Variants in MPP7 observed in about 807,000 individuals in gnomAD.
MPP7 encodes the protein MAGUK p55 scaffold protein 7, also known as MAGUK p55 subfamily member 7.
Under a neutral mutation model 76.5 loss-of-function variants are expected in MPP7, and 60 were observed. The ratio of observed to expected loss-of-function variants is 0.78; its 90% CI spans 0.64 to 0.97. The LOEUF (loss-of-function observed/expected upper bound fraction) is 0.97, where lower values mean the gene tolerates loss of function less well. Among genes scored for constraint, MPP7 ranks in the 50% least tolerant of loss-of-function variants. The probability of loss-of-function intolerance (pLI) is 0.00; values close to 1 mark genes in which losing one functional copy is unlikely to be tolerated. For missense variants in MPP7, 641 were observed against 694.0 expected, an observed-to-expected ratio of 0.92 and a Z score of 0.86; for synonymous variants, 237 against 244.5, an observed-to-expected ratio of 0.97 and a Z score of 0.29.
At chr10:28,133,461 T>C (rs1325856509) in intron 5 of MPP7, among the ~76,000 whole-genome samples, 1 of 152,188 alleles carries the variant, frequency 6.6e-6, no homozygotes, top group African/African-American at 2.4e-5. Context: ...CTCAATCCCA[T>C]AGCACCTTGT....
chr10:28,144,132 G>C (rs1159070144), intron 5 of MPP7, among the ~76,000 whole-genome samples: 2 of 152,002 alleles, frequency 1.3e-5, no homozygotes, highest in Non-Finnish European at 2.9e-5. Context: ...CCGGTGATCA[G>C]CCCACCTCGG....
At chr10:28,077,082 C>CAAAAAAAAA (rs10577715) in intron 12 of MPP7, among the ~76,000 whole-genome samples, 1 of 107,138 alleles carries the variant, frequency 9.3e-6, no homozygotes, top group African/African-American at 2.9e-5. Context: ...TCTCTAACTA[C>CAAAAAAAAA]AAAAAAAAAA....
At chr10:28,187,865 C>T (rs1027996482) in intron 3 of MPP7, among the ~76,000 whole-genome samples, 1 of 152,078 alleles carries the variant, frequency 6.6e-6, no homozygotes, top group East Asian at 1.9e-4. Flanking sequence ...TTGACTGGAT[C>T]GATTATCCTG....
intron 7 of MPP7, among the ~76,000 whole-genome samples, chr10:28,124,770 AC>A (rs1834963637): frequency 1.3e-5 from 2 of 152,124 alleles, no homozygotes; most frequent in African/African-American, 4.8e-5. Flanking sequence ...GGCGTGAGCC[AC>A]CACGCCCGGC....
At chr10:28,117,942 GAGAA>G (rs1245451303) in intron 11 of MPP7, 3 of 189,040 alleles carry the variant, frequency 1.6e-5, no homozygotes, top group Admixed American at 6.6e-5. Context: ...AGAGAGAGAG[GAGAA>G]AGAAAGAGAG....
chr10:28,270,307 A>T (rs911228607), intron 1 of MPP7, among the ~76,000 whole-genome samples: 1 of 152,086 alleles, frequency 6.6e-6, no homozygotes, highest in African/African-American at 2.4e-5. Flanking sequence ...TGCCTAATAC[A>T]TTGACATGGT....
intron 12 of MPP7, among the ~76,000 whole-genome samples, chr10:28,070,326 G>A (rs1233973205): frequency 6.6e-6 from 1 of 152,128 alleles, no homozygotes; most frequent in South Asian, 2.1e-4. Context: ...GTGAACCCGG[G>A]AGGCGGAGCT....
chr10:28,213,878 G>C (rs941674070), intron 2 of MPP7, among the ~76,000 whole-genome samples: 3 of 151,362 alleles, frequency 2.0e-5, no homozygotes, highest in Non-Finnish European at 4.4e-5. Context: ...AAGGATCCAG[G>C]GAAGTCATAA....
At chr10:28,208,503 C>T (rs754445164) in intron 2 of MPP7, among the ~76,000 whole-genome samples, 2 of 152,310 alleles carry the variant, frequency 1.3e-5, no homozygotes, top group East Asian at 3.9e-4. Flanking sequence ...GGAGTCTGCC[C>T]ATGGGCGTGT....
At chr10:28,286,867 T>C (rs1171443876) in intron 1 of MPP7, among the ~76,000 whole-genome samples, 2 of 152,106 alleles carry the variant, frequency 1.3e-5, no homozygotes, top group African/African-American at 2.4e-5. Context: ...ACATTAGCAA[T>C]TGCATGAAAT....
chr10:28,194,059 G>C (rs1837500306), intron 3 of MPP7, among the ~76,000 whole-genome samples: 1 of 152,162 alleles, frequency 6.6e-6, no homozygotes, highest in Non-Finnish European at 1.5e-5. Flanking sequence ...CTGTCACCCA[G>C]GCTGGAGTGC....
intron 2 of MPP7, among the ~76,000 whole-genome samples, chr10:28,231,823 T>C (rs1838894249): frequency 6.6e-6 from 1 of 152,140 alleles, no homozygotes; most frequent in South Asian, 2.1e-4. Flanking sequence ...TATCAATCTT[T>C]CACAGACTCT....
intron 3 of MPP7, among the ~76,000 whole-genome samples, chr10:28,184,432 G>C (rs1837161274): frequency 6.7e-6 from 1 of 148,818 alleles, no homozygotes; most frequent in Non-Finnish European, 1.5e-5. Flanking sequence ...ATCTTGATCA[G>C]GCATGGTGGC....
chr10:28,226,026 A>T (rs1181726864), intron 2 of MPP7, among the ~76,000 whole-genome samples: 2 of 152,236 alleles, frequency 1.3e-5, no homozygotes, highest in Non-Finnish European at 2.9e-5. Context: ...AAAATGCAGT[A>T]TATACATACA....
At chr10:28,062,117 A>C (rs1194878389) in intron 13 of MPP7, among the ~76,000 whole-genome samples, 1 of 152,166 alleles carries the variant, frequency 6.6e-6, no homozygotes, top group East Asian at 1.9e-4. Context: ...TTTTCCTGTT[A>C]AGTTCATTAA....
intron 1 of MPP7, among the ~76,000 whole-genome samples, chr10:28,267,973 CTG>C (rs1840200169): frequency 6.6e-6 from 1 of 152,036 alleles, no homozygotes; most frequent in Non-Finnish European, 1.5e-5. Context: ...GAAGTCGAGG[CTG>C]CAGTGAGCAG....
At chr10:28,286,836 A>T (rs1840801104) in intron 1 of MPP7, among the ~76,000 whole-genome samples, 1 of 152,214 alleles carries the variant, frequency 6.6e-6, no homozygotes, top group Admixed American at 6.5e-5. Flanking sequence ...TCATATAAAA[A>T]TATCCTTGAT....
intron 11 of MPP7, among the ~76,000 whole-genome samples, chr10:28,101,278 T>C (rs1450902080): frequency 1.3e-5 from 2 of 152,154 alleles, no homozygotes. Context: ...ATTAAGGCAG[T>C]ATATTTAGAC....
chr10:28,096,591 T>C (rs1853580773), intron 11 of MPP7, among the ~76,000 whole-genome samples: 1 of 152,224 alleles, frequency 6.6e-6, no homozygotes, highest in African/African-American at 2.4e-5. Context: ...TCCTTTTAAC[T>C]GTCATCATAA....
Sources: gnomAD v4.1 joint callset for allele counts (sites outside exome capture counted in the v4.1 genomes callset) on GRCh38, gnomAD v4.1.1 for gene constraint, MANE v1.5 for transcripts, NCBI Gene and HGNC (gene_info 2026-07-23, HGNC 2026-07-21) for gene names.